Variants in DOCK4 observed in about 807,000 individuals in gnomAD.
DOCK4 encodes the protein dedicator of cytokinesis protein 4.
DOCK4 carries 97 observed loss-of-function variants against 268.1 expected under a neutral mutation model. That is an observed-to-expected ratio of 0.36 (90% CI 0.31 to 0.43). The LOEUF (loss-of-function observed/expected upper bound fraction) is 0.43, where lower values mean the gene tolerates loss of function less well. Among genes scored for constraint, DOCK4 ranks in the 20% least tolerant of loss-of-function variants. The pLI is 1.00. For missense variants in DOCK4, 2,145 were observed against 2,455.7 expected (o/e 0.87, Z 2.67); for synonymous variants, 954 against 887.2 (o/e 1.08, Z -1.34).
chr7:112,189,178 G>A (rs1005965739), intron 1 of DOCK4, among the ~76,000 whole-genome samples: 2 of 152,156 alleles, frequency 1.3e-5, no homozygotes, highest in Non-Finnish European at 2.9e-5. Flanking sequence ...TTATGCTGTG[G>A]AGTGAAAATG....
intron 30 of DOCK4, among the ~76,000 whole-genome samples, chr7:111,805,891 A>G (rs1800630374): frequency 2.0e-5 from 3 of 152,222 alleles, no homozygotes; most frequent in African/African-American, 4.8e-5. Context: ...TGCATTTTGT[A>G]TCTATTAAAA....
At chr7:111,981,466 C>G (rs929887944) in intron 7 of DOCK4, among the ~76,000 whole-genome samples, 2 of 152,088 alleles carry the variant, frequency 1.3e-5, no homozygotes, top group Non-Finnish European at 2.9e-5. Context: ...TACCATGGCA[C>G]ACATTTACCT....
chr7:111,863,665 T>C (rs1805742206), intron 22 of DOCK4, 101 bp from the exon 23 acceptor site: 9 of 1,224,162 alleles, frequency 7.4e-6, no homozygotes, highest in Non-Finnish European at 1.0e-5. Context: ...TGTTTTTGAA[T>C]GGTAGGAATA....
At chr7:111,811,816 T>G in intron 28 of DOCK4, 58 bp downstream of exon 28, 1 of 1,020,794 alleles carries the variant, frequency 9.8e-7, no homozygotes, top group East Asian at 2.6e-5. Flanking sequence ...GGTAATTTCC[T>G]ATAATACAAT....
intron 1 of DOCK4, among the ~76,000 whole-genome samples, chr7:112,033,083 T>C (rs1487407537): frequency 1.3e-5 from 2 of 152,176 alleles, no homozygotes; most frequent in East Asian, 1.9e-4. Context: ...AGACACAGTA[T>C]ATTTTAAAAT....
intron 16 of DOCK4, among the ~76,000 whole-genome samples, chr7:111,879,834 A>G (rs1235975703): frequency 6.6e-6 from 1 of 152,240 alleles, no homozygotes; most frequent in African/African-American, 2.4e-5. Flanking sequence ...AGCAGAAGAA[A>G]GAATTGGGAA....
chr7:112,082,378 T>C (rs1808673144), intron 1 of DOCK4, among the ~76,000 whole-genome samples: 1 of 152,092 alleles, frequency 6.6e-6, no homozygotes, highest in East Asian at 1.9e-4. Context: ...AAGTTGGTAA[T>C]TTCACAGGAA....
At chr7:112,137,328 C>T (rs1251592564) in intron 1 of DOCK4, among the ~76,000 whole-genome samples, 4 of 152,148 alleles carry the variant, frequency 2.6e-5, no homozygotes, top group Non-Finnish European at 4.4e-5. Context: ...AACAGGGAAC[C>T]TCACAGCGAG....
intron 27 of DOCK4, among the ~76,000 whole-genome samples, chr7:111,814,524 G>C (rs955469521): frequency 2.6e-5 from 4 of 152,126 alleles, no homozygotes; most frequent in African/African-American, 9.7e-5. Flanking sequence ...CAGGTACCTG[G>C]TGATCTAGTT....
chr7:112,023,564 G>C (rs1252306295), intron 1 of DOCK4: 1 of 416,692 alleles, frequency 2.4e-6, no homozygotes, highest in Non-Finnish European at 4.7e-6. Context: ...TCAGAGACCA[G>C]AGATTTTAGG....
At chr7:111,729,722 C>T (rs541556370) in intron 52 of DOCK4, among the ~76,000 whole-genome samples, 3 of 152,134 alleles carry the variant, frequency 2.0e-5, no homozygotes, top group East Asian at 1.9e-4. Context: ...GAGCCAGGGC[C>T]GCTGAGCACA....
At chr7:112,013,239 C>T (rs867561369) in intron 1 of DOCK4, among the ~76,000 whole-genome samples, 1 of 152,168 alleles carries the variant, frequency 6.6e-6, no homozygotes, top group Non-Finnish European at 1.5e-5. Context: ...GTGCTGACTT[C>T]TTAAGAGGTC....
chr7:111,911,337 A>G (rs1234309663), intron 13 of DOCK4, among the ~76,000 whole-genome samples: 1 of 152,228 alleles, frequency 6.6e-6, no homozygotes, highest in African/African-American at 2.4e-5. Flanking sequence ...TGAAAGTAAC[A>G]AAGGAAAACA....
chr7:112,162,393 C>G lies in DOCK4; in HGVS notation c.37+43709G>C, dbSNP rs111422327. ...CAGACTGGACCAAGCTCTCATCATC[C>G]CCCTGGATACAGTGGTACAACCAGA... On this transcript the variant is annotated intron_variant, in intron 1 of 52. Coordinates refer to ENST00000428084, the MANE Select transcript of DOCK4 (RefSeq NM_001363540.2). Among the ~76,000 whole-genome samples the G allele has an allele frequency of 3.9e-5, 6 of 152,178 alleles. 1 individual carries two copies. The highest frequency in any genetic ancestry group is 1.4e-4 in the African/African-American group (6 of 41,530).
chr7:111,872,137 T>C (rs1203980859), intron 19 of DOCK4, 47 bp from the exon 20 acceptor site: 10 of 1,461,226 alleles, frequency 6.8e-6, no homozygotes, highest in Non-Finnish European at 9.2e-6. Context: ...CAAATCAAGG[T>C]TTTCCTTTTT....
chr7:111,951,682 G>GA (rs1462113216), intron 8 of DOCK4, among the ~76,000 whole-genome samples: 1 of 148,502 alleles, frequency 6.7e-6, no homozygotes, highest in African/African-American at 2.5e-5. Flanking sequence ...AAGAAAGAAA[G>GA]AAAAAAATTA....
chr7:112,053,575 T>G (rs1030746756), intron 1 of DOCK4, among the ~76,000 whole-genome samples: 2 of 152,200 alleles, frequency 1.3e-5, no homozygotes, highest in Non-Finnish European at 2.9e-5. Context: ...TTGCAAAGCA[T>G]AGTCATAGTT....
chr7:111,892,377 T>C (rs1808357909), intron 16 of DOCK4, among the ~76,000 whole-genome samples: 2 of 152,160 alleles, frequency 1.3e-5, no homozygotes, highest in Admixed American at 1.3e-4. Context: ...ACTTTTTTGA[T>C]TTTTAGTAGA....
chr7:112,081,625 C>T lies in DOCK4; in HGVS notation c.38-77494G>A, dbSNP rs1586784472. Among the ~76,000 whole-genome samples the T allele has an allele frequency of 3.9e-5, 6 of 152,232 alleles. 2 individuals are homozygous for T. Among genetic ancestry groups the T allele is most frequent in the Admixed American group, 3.9e-4 (6 of 15,284 alleles). On this transcript the variant is annotated intron_variant, in intron 1 of 52. Coordinates refer to ENST00000428084, the MANE Select transcript of DOCK4 (RefSeq NM_001363540.2). ...TTTTATCCCTTTCTTATTTTACGTA[C>T]TTTGTCAGTTATCTCAAATGTTTTG...
Sources: allele counts gnomAD v4.1 joint callset (sites outside exome capture counted in the v4.1 genomes callset), GRCh38; gene constraint gnomAD v4.1.1; transcripts MANE v1.5; gene names NCBI Gene and HGNC (gene_info 2026-07-23, HGNC 2026-07-21).